KIFAP3: variants seen among roughly 807,000 people sequenced by gnomAD.
KIFAP3 encodes the protein kinesin-associated protein 3.
A neutral mutation model predicts 106.5 loss-of-function variants in KIFAP3; 68 were observed. The ratio of observed to expected loss-of-function variants is 0.64; its 90% CI spans 0.53 to 0.78. KIFAP3 has a LOEUF of 0.78. Among genes scored for constraint, KIFAP3 ranks in the 30% least tolerant of loss-of-function variants. The probability of loss-of-function intolerance (pLI) is 0.00; values close to 1 mark genes in which losing one functional copy is unlikely to be tolerated. For synonymous variants in KIFAP3, 320 were observed against 311.5 expected (o/e 1.03, Z -0.29); for missense variants, 780 against 941.8 (o/e 0.83, Z 2.25).
chr1:169,993,670 C>CGGG (rs1667221314), intron 10 of KIFAP3, among the ~76,000 whole-genome samples: 1 of 52 alleles, frequency 0.019, no homozygotes. Context: ...GCAGTGAGCC[C>CGGG]AGATTGTGCC....
At chr1:170,053,669 G>C (rs187269553) in intron 2 of KIFAP3, among the ~76,000 whole-genome samples, 266 of 152,124 alleles carry the variant, frequency 1.7e-3, no homozygotes, top group Middle Eastern at 6.8e-3. Context: ...GAACAGAACA[G>C]AGACTCAGAA....
At chr1:169,949,863 C>T (rs995593798) in intron 19 of KIFAP3, among the ~76,000 whole-genome samples, 2 of 152,046 alleles carry the variant, frequency 1.3e-5, no homozygotes, top group African/African-American at 4.8e-5. Context: ...TGACACATGT[C>T]TAAAACCCAG....
At chr1:170,053,021 G>A (rs948625267) in intron 2 of KIFAP3, among the ~76,000 whole-genome samples, 1 of 152,076 alleles carries the variant, frequency 6.6e-6, no homozygotes, top group Admixed American at 6.6e-5. Context: ...AGAAGTAAAG[G>A]GTATTCAAAT....
At chr1:170,038,035 A>G (rs917615589) in intron 5 of KIFAP3, among the ~76,000 whole-genome samples, 2 of 152,220 alleles carry the variant, frequency 1.3e-5, no homozygotes, top group African/African-American at 4.8e-5. Flanking sequence ...TTGATCTTAT[A>G]TCCTACTTGA....
At chr1:170,010,071 G>A (rs1225464625) in intron 10 of KIFAP3, among the ~76,000 whole-genome samples, 2 of 151,896 alleles carry the variant, frequency 1.3e-5, no homozygotes, top group South Asian at 4.1e-4. Flanking sequence ...TCAAAGTATA[G>A]GAATGATAGA....
intron 8 of KIFAP3, among the ~76,000 whole-genome samples, chr1:170,027,959 AC>A (rs1669203715): frequency 6.6e-6 from 1 of 152,152 alleles, no homozygotes; most frequent in Non-Finnish European, 1.5e-5. Flanking sequence ...ATGACAGCAG[AC>A]TTCTCATCAA....
At chr1:170,031,338 T>C (rs1285637644) in intron 8 of KIFAP3, among the ~76,000 whole-genome samples, 2 of 151,708 alleles carry the variant, frequency 1.3e-5, no homozygotes, top group East Asian at 1.9e-4. Flanking sequence ...ATAAACTACA[T>C]GAATCATCAA....
At chr1:169,966,407 C>T (rs1319547403) in intron 17 of KIFAP3, among the ~76,000 whole-genome samples, 2 of 148,022 alleles carry the variant, frequency 1.4e-5, no homozygotes, top group Admixed American at 6.8e-5. Flanking sequence ...TAAGAGGTGG[C>T]CTTGAAATTA....
At chr1:169,998,154 C>G (rs182362419) in intron 10 of KIFAP3, among the ~76,000 whole-genome samples, 24 of 151,976 alleles carry the variant, frequency 1.6e-4, no homozygotes, top group Admixed American at 3.3e-4. Flanking sequence ...TACTTTCACT[C>G]TTAAAGTGGG....
intron 19 of KIFAP3, among the ~76,000 whole-genome samples, chr1:169,931,604 G>A (rs1001343015): frequency 1.3e-5 from 2 of 152,184 alleles, no homozygotes; most frequent in Admixed American, 6.5e-5. Flanking sequence ...ACCACCAAAT[G>A]TTAAGGGAAC....
At chr1:170,038,617 C>T (rs1431672121) in intron 4 of KIFAP3, among the ~76,000 whole-genome samples, 186 bp from the exon 5 acceptor site, 2 of 151,986 alleles carry the variant, frequency 1.3e-5, no homozygotes, top group Non-Finnish European at 2.9e-5. Flanking sequence ...ATACAAAACC[C>T]CATGATAAAA....
chr1:169,940,645 T>A (rs910587008), intron 19 of KIFAP3, among the ~76,000 whole-genome samples: 4 of 152,206 alleles, frequency 2.6e-5, no homozygotes, highest in Admixed American at 1.3e-4. Context: ...GAGGTGGAGC[T>A]TAGGCAGTAA....
intron 10 of KIFAP3, among the ~76,000 whole-genome samples, chr1:170,003,134 A>G (rs553129276): frequency 6.6e-6 from 1 of 152,298 alleles, no homozygotes; most frequent in Admixed American, 6.5e-5. Context: ...AAAATAGAAG[A>G]TGCAAATTTT....
At chr1:169,974,169 G>C (rs933589656) in intron 16 of KIFAP3, among the ~76,000 whole-genome samples, 1 of 151,882 alleles carries the variant, frequency 6.6e-6, no homozygotes, top group African/African-American at 2.4e-5. Flanking sequence ...AAGTAAGACA[G>C]AAGGGAGATA....
chr1:169,933,796 A>G (rs928205219), intron 19 of KIFAP3, among the ~76,000 whole-genome samples: 6 of 152,166 alleles, frequency 3.9e-5, no homozygotes, highest in Non-Finnish European at 7.4e-5. Context: ...TAACTTAAGT[A>G]CAAACTATGA....
chr1:169,996,207 T>C (rs1667367526), intron 10 of KIFAP3, among the ~76,000 whole-genome samples: 1 of 152,156 alleles, frequency 6.6e-6, no homozygotes, highest in African/African-American at 2.4e-5. Flanking sequence ...TGAAAGTTCC[T>C]TGCAGTTCTC....
intron 17 of KIFAP3, among the ~76,000 whole-genome samples, chr1:169,966,058 G>A (rs2101875691): frequency 6.6e-6 from 1 of 151,866 alleles, no homozygotes; most frequent in East Asian, 1.9e-4. Context: ...AAGTATGGTA[G>A]CAATGATACA....
intron 19 of KIFAP3, 83 bp from the exon 20 acceptor site, chr1:169,921,864 C>T (rs1202847731): frequency 1.0e-6 from 1 of 970,478 alleles, no homozygotes; most frequent in Non-Finnish European, 1.6e-6. Context: ...ATTTTTATAC[C>T]ACCAAGATTC....
chr1:169,957,066 T>C (rs1228940270), intron 18 of KIFAP3, among the ~76,000 whole-genome samples: 1 of 152,240 alleles, frequency 6.6e-6, no homozygotes, highest in African/African-American at 2.4e-5. Flanking sequence ...GCACCTCAAC[T>C]TCTTTGGAAA....
Sources: allele counts gnomAD v4.1 joint callset (sites outside exome capture counted in the v4.1 genomes callset), GRCh38; gene constraint gnomAD v4.1.1; transcripts MANE v1.5; gene names NCBI Gene and HGNC (gene_info 2026-07-23, HGNC 2026-07-21).